CREB5: variants seen among roughly 807,000 people sequenced by gnomAD.
The protein encoded by CREB5 is cAMP responsive element binding protein 5.
CREB5 carries 19 observed loss-of-function variants against 57.1 expected under a neutral mutation model. That is an observed-to-expected ratio of 0.33 (90% CI 0.23 to 0.49). The LOEUF (loss-of-function observed/expected upper bound fraction) is 0.49. Ranked by LOEUF, CREB5 falls within the 20% of genes least tolerant of loss-of-function variation. The pLI is 0.99. For missense variants in CREB5, 579 were observed against 671.6 expected, an observed-to-expected ratio of 0.86 and a Z score of 1.52; for synonymous variants, 238 against 238.3, an observed-to-expected ratio of 1.00 and a Z score of 0.01.
intron 4 of CREB5, among the ~76,000 whole-genome samples, chr7:28,512,084 A>C (rs1792728422): frequency 6.6e-6 from 1 of 152,180 alleles, no homozygotes; most frequent in Non-Finnish European, 1.5e-5. Flanking sequence ...GGCTTGAGCA[A>C]CTGGAAGGAT....
intron 7 of CREB5, among the ~76,000 whole-genome samples, chr7:28,742,776 CTT>C (rs1172403675): frequency 6.6e-6 from 1 of 151,912 alleles, no homozygotes. Context: ...GTTGCTTTTT[CTT>C]ATTTTGCTTT....
rs1195849983 is a variant in CREB5 at position 28,404,686 on chromosome 7, A to G, written c.-24-90220A>G. Among the ~76,000 whole-genome samples, 2 of 152,224 alleles carry G rather than the reference A, an allele frequency of 1.3e-5. 1 individual carries two copies. Among genetic ancestry groups the G allele is most frequent in the Admixed American group, 1.3e-4 (2 of 15,286 alleles). On this transcript the variant is annotated intron_variant, in intron 1 of 9. Transcript: ENST00000396299. ...GCATGAGATGAGGCCCTGTGTGACC[A>G]GGTATCACAGGCCATGAAGCCAGTC...
chr7:28,363,453 C>T (rs1165607424), intron 1 of CREB5, among the ~76,000 whole-genome samples: 1 of 152,074 alleles, frequency 6.6e-6, no homozygotes, highest in Non-Finnish European at 1.5e-5. Flanking sequence ...CCTTGTCAAC[C>T]TGCTGCCTTC....
At chr7:28,443,756 C>T (rs1276692845) in intron 1 of CREB5, among the ~76,000 whole-genome samples, 2 of 152,216 alleles carry the variant, frequency 1.3e-5, no homozygotes, top group African/African-American at 4.8e-5. Context: ...CTTGCCTCCC[C>T]ACCTTATGGC....
At chr7:28,694,813 C>T (rs1051163549) in intron 5 of CREB5, among the ~76,000 whole-genome samples, 1 of 152,156 alleles carries the variant, frequency 6.6e-6, no homozygotes, top group Non-Finnish European at 1.5e-5. Flanking sequence ...TCCTGAGTAG[C>T]CAGGGTTATA....
At chr7:28,556,140 C>G (rs1046311845) in intron 4 of CREB5, among the ~76,000 whole-genome samples, 1 of 152,212 alleles carries the variant, frequency 6.6e-6, no homozygotes, top group Non-Finnish European at 1.5e-5. Context: ...GATGTGCTCA[C>G]TTTCCTCCTG....
chr7:28,634,332 T>A (rs1798325215), intron 5 of CREB5, among the ~76,000 whole-genome samples: 1 of 152,234 alleles, frequency 6.6e-6, no homozygotes, highest in African/African-American at 2.4e-5. Context: ...GCTCATGGAT[T>A]AAATTGAACT....
chr7:28,709,814 T>C (rs902440582), intron 5 of CREB5, among the ~76,000 whole-genome samples: 2 of 152,242 alleles, frequency 1.3e-5, no homozygotes, highest in Non-Finnish European at 2.9e-5. Context: ...GTAAACTTCA[T>C]TTCCAACACC....
chr7:28,643,778 AC>A (rs869254375), intron 5 of CREB5, among the ~76,000 whole-genome samples: 5 of 141,300 alleles, frequency 3.5e-5, no homozygotes, highest in Admixed American at 7.1e-5. Context: ...AAAAAAAAAA[AC>A]ACACAAACCT....
chr7:28,387,405 C>T lies in CREB5; in HGVS notation c.-25+87964C>T, dbSNP rs61675925. 6.5e-3 allele frequency among the ~76,000 whole-genome samples: 989 copies of T among 151,958 alleles called. 7 individuals are homozygous for T. Among genetic ancestry groups the T allele is most frequent in the African/African-American group, 0.022 (928 of 41,454 alleles). On this transcript the variant is annotated intron_variant, in intron 1 of 9. Transcript: ENST00000396299. The stretch of plus-strand genomic sequence containing the variant: ...GAAGTATTTGTTCATGTCCTTTGCC[C>T]ACTTTTTAATGGGGTTGTTTGTTTT...
In CREB5 at chr7:28,401,141, A is replaced by G. The variant is rs114498540; in HGVS notation, c.-24-93765A>G. Among the ~76,000 whole-genome samples, 966 of 152,314 alleles carry G rather than the reference A, an allele frequency of 6.3e-3. 11 individuals carry two copies. Among genetic ancestry groups the G allele is most frequent in the African/African-American group, 0.022 (917 of 41,572 alleles). Reference sequence around the variant, plus strand: ...GACTAAGTAGTTTTTCCTTTAATCGAGTCGCTTTCAAAGAAAGAAAAACAC... The same window carrying G: ...GACTAAGTAGTTTTTCCTTTAATCGGGTCGCTTTCAAAGAAAGAAAAACAC... On this transcript the variant is annotated intron_variant, in intron 1 of 9. Coordinates refer to the CREB5 transcript ENST00000396299.
chr7:28,423,155 C>A (rs1047388878), intron 1 of CREB5, among the ~76,000 whole-genome samples: 1 of 152,182 alleles, frequency 6.6e-6, no homozygotes, highest in East Asian at 1.9e-4. Context: ...CTTATGGAAC[C>A]AAGTGTGCTC....
intron 7 of CREB5, among the ~76,000 whole-genome samples, chr7:28,743,073 C>T (rs571362352): frequency 2.6e-5 from 4 of 152,204 alleles, no homozygotes; most frequent in South Asian, 2.1e-4. Flanking sequence ...CATGAGCCAC[C>T]GTGCCCAGCT....
intron 5 of CREB5, among the ~76,000 whole-genome samples, chr7:28,687,831 G>A (rs1309436154): frequency 1.3e-5 from 2 of 152,086 alleles, no homozygotes; most frequent in East Asian, 1.9e-4. Context: ...CATGATGTGT[G>A]AGGAGGCCTG....
intron 3 of CREB5, among the ~76,000 whole-genome samples, chr7:28,507,354 G>A (rs1172169156): frequency 1.3e-5 from 2 of 152,180 alleles, no homozygotes; most frequent in East Asian, 3.9e-4. Flanking sequence ...GACAAGTGGA[G>A]AGTGAGATCT....
intron 7 of CREB5, among the ~76,000 whole-genome samples, chr7:28,759,279 A>G (rs1805513438): frequency 6.6e-6 from 1 of 152,246 alleles, no homozygotes; most frequent in Non-Finnish European, 1.5e-5. Context: ...CATGTCAAGT[A>G]AAAAGGAAAT....
intron 5 of CREB5, among the ~76,000 whole-genome samples, chr7:28,671,609 G>A (rs192662963): frequency 5.1e-4 from 77 of 152,256 alleles, no homozygotes; most frequent in African/African-American, 1.7e-3. Flanking sequence ...ACAACCAGAC[G>A]GAGAAACCAA....
intron 7 of CREB5, among the ~76,000 whole-genome samples, chr7:28,775,071 G>A (rs1806542153): frequency 1.3e-5 from 2 of 152,164 alleles, no homozygotes; most frequent in African/African-American, 4.8e-5. Context: ...TATAATTCAT[G>A]AAAATTTCCG....
At chr7:28,739,125 G>T (rs1427049093) in intron 7 of CREB5, among the ~76,000 whole-genome samples, 1 of 152,190 alleles carries the variant, frequency 6.6e-6, no homozygotes, top group Non-Finnish European at 1.5e-5. Context: ...GTCTAGAGTG[G>T]TTCTTCAGCA....
Sources: gnomAD v4.1 joint callset for allele counts (sites outside exome capture counted in the v4.1 genomes callset) on GRCh38, gnomAD v4.1.1 for gene constraint, MANE v1.5 for transcripts, NCBI Gene and HGNC (gene_info 2026-07-23, HGNC 2026-07-21) for gene names.